The following FAM169A variants were observed in gnomAD, a reference collection of about 807,000 sequenced individuals.
FAM169A encodes soluble lamin-associated protein of 75 kDa.
A neutral mutation model predicts 75.7 loss-of-function variants in FAM169A; 24 were observed. That is an observed-to-expected ratio of 0.32 (90% confidence interval 0.23 to 0.45). FAM169A has a LOEUF of 0.45. FAM169A is among the 20% of genes least tolerant of loss of function. The probability of loss-of-function intolerance (pLI) is 1.00; values close to 1 mark genes in which losing one functional copy is unlikely to be tolerated. For synonymous variants in FAM169A, 271 were observed against 271.0 expected, an observed-to-expected ratio of 1.00 and a Z score of 0.00; for missense variants, 673 against 784.0, an observed-to-expected ratio of 0.86 and a Z score of 1.69.
chr5:74,798,330 A>G (rs1746385479), intron 10 of FAM169A, among the ~76,000 whole-genome samples: 1 of 152,244 alleles, frequency 6.6e-6, no homozygotes, highest in Non-Finnish European at 1.5e-5. Flanking sequence ...CGTTTATGAA[A>G]AGCAAACAAA....
At chr5:74,857,504 G>A (rs530551730) in intron 1 of FAM169A, among the ~76,000 whole-genome samples, 38 of 142,098 alleles carry the variant, frequency 2.7e-4, no homozygotes, top group African/African-American at 9.6e-4. Context: ...GGTAGAGGCT[G>A]CAGTGAGTCA....
chr5:74,835,245 G>C (rs543269907), intron 4 of FAM169A, among the ~76,000 whole-genome samples: 2 of 152,192 alleles, frequency 1.3e-5, no homozygotes, highest in East Asian at 3.9e-4. Flanking sequence ...CCTACACACA[G>C]GGCTACATGG....
chr5:74,835,311 C>G (rs539371330), intron 4 of FAM169A, among the ~76,000 whole-genome samples: 3 of 152,144 alleles, frequency 2.0e-5, no homozygotes, highest in African/African-American at 7.2e-5. Context: ...TGAGGTGTTC[C>G]TGATACACAG....
chr5:74,784,760 A>G lies in FAM169A; in HGVS notation c.1261-1626T>C, dbSNP rs372086624. 5.1e-4 allele frequency among the ~76,000 whole-genome samples: 77 copies of G among 150,972 alleles called. No homozygotes were observed. The East Asian group carries it at 0.014, about 28-fold the overall frequency. On this transcript the variant is annotated intron_variant, in intron 11 of 12. Transcript: ENST00000687041. ...GGTGAAACTCCGTCTCTACTAAAAA[A>G]TACAAAAAATTAGCCGGGCGTGGTG...
In FAM169A at chr5:74,795,898, A is replaced by G. The variant is rs1191162430; in HGVS notation, c.1260+132T>C. On this transcript the variant is annotated intron_variant, in intron 11 of 12. Coordinates refer to ENST00000687041, the MANE Select transcript of FAM169A (RefSeq NM_001376049.1). ...TCTAGTACCTGACCTTGCTTAATAT[A>G]TATGATTTTTAACACTAAACGCAAT... is the stretch of plus-strand genomic sequence containing the variant. 7 of 810,226 alleles carry G rather than the reference A, an allele frequency of 8.6e-6. No homozygotes were observed. In the South Asian group the frequency reaches 8.7e-5, roughly 10 times the overall value. 50.2% of individuals were successfully genotyped at this position (810,226 alleles called of 1,614,324 possible).
chr5:74,857,971 C>T (rs1389777828), intron 1 of FAM169A, among the ~76,000 whole-genome samples: 1 of 152,064 alleles, frequency 6.6e-6, no homozygotes, highest in Non-Finnish European at 1.5e-5. Flanking sequence ...TTCAGAATCA[C>T]TTCTATTTCC....
chr5:74,859,382 T>G (rs537715948), intron 1 of FAM169A, among the ~76,000 whole-genome samples: 1 of 139,744 alleles, frequency 7.2e-6, no homozygotes, highest in South Asian at 2.5e-4. Flanking sequence ...CTCCACCTCC[T>G]GGATTCAAGC....
chr5:74,806,331 T>C (rs952925544), intron 6 of FAM169A, among the ~76,000 whole-genome samples: 2 of 152,150 alleles, frequency 1.3e-5, no homozygotes, highest in Non-Finnish European at 2.9e-5. Flanking sequence ...AAAATAATGG[T>C]GCTGAAATAA....
chr5:74,823,820 A>T (rs1747880882), intron 5 of FAM169A, among the ~76,000 whole-genome samples: 1 of 152,184 alleles, frequency 6.6e-6, no homozygotes, highest in African/African-American at 2.4e-5. Flanking sequence ...TCAAGTCCTT[A>T]AAATATAATC....
intron 6 of FAM169A, among the ~76,000 whole-genome samples, chr5:74,810,659 A>C (rs1173231198): frequency 6.9e-6 from 1 of 144,422 alleles, no homozygotes. Flanking sequence ...CTGAGGCAGG[A>C]GAATGGTGTG....
intron 6 of FAM169A, among the ~76,000 whole-genome samples, chr5:74,812,014 A>T (rs908505037): frequency 1.3e-5 from 2 of 152,248 alleles, no homozygotes. Flanking sequence ...AAGGGGAGTG[A>T]GTCTAATTGG....
chr5:74,812,290 A>C (rs1265268951), intron 6 of FAM169A, among the ~76,000 whole-genome samples: 1 of 151,312 alleles, frequency 6.6e-6, no homozygotes, highest in Non-Finnish European at 1.5e-5. Flanking sequence ...CACCCAGCTA[A>C]TTTTTTTTGT....
In FAM169A at chr5:74,781,743, G is replaced by A; in HGVS notation, c.1730C>T (p.Ser577Phe). ...AGCAGTAGATGTTTCCTGGGGCTCA[G>A]ATACCCCCTCCTCACCCTGGTCTTC... ...SLEDQGEEGVSEPQETSTALP... is the reference protein window; with the variant it reads ...SLEDQGEEGVFEPQETSTALP... Residue 577 changes from serine (S) to phenylalanine (F), a missense_variant, in exon 13 of 13, where the codon TCT becomes TTT. Physicochemically the swap from Ser to Phe is radical, Grantham distance 155. Around this residue, in one of 3 missense-constraint regions of FAM169A, gnomAD observed 510 missense variants for 550.9 expected, o/e 0.93. Transcript: ENST00000687041. 1.2e-6 allele frequency: 2 copies of A among 1,614,108 alleles called. No individual in the cohort carries two copies. The highest frequency in any genetic ancestry group is 1.7e-6 in the Non-Finnish European group (2 of 1,180,000).
intron 1 of FAM169A, among the ~76,000 whole-genome samples, chr5:74,854,169 A>C (rs549581107): frequency 6.6e-6 from 1 of 152,224 alleles, no homozygotes; most frequent in South Asian, 2.1e-4. Flanking sequence ...CAAGATGGGC[A>C]GATCACCTGA....
In FAM169A at chr5:74,800,997, C is replaced by T. The variant is rs368190713; in HGVS notation, c.986G>A (p.Arg329Gln). ...CTTTGGCCGCTTTAGATTACCACTT[C>T]GAGTATGAGTGGAAACAGATGTTTT... ...HDKTSVSTHT[R>Q]SGNLKRPKIG... Residue 329 changes from arginine to glutamine, a missense_variant, in exon 10 of 13, where the codon CGA (arginine) becomes CAA (glutamine). Arg to Gln is a conservative substitution (Grantham distance 43, BLOSUM62 1). This residue lies in a region of FAM169A where 510 missense variants were observed against 550.9 expected (regional missense o/e 0.93). Transcript: ENST00000687041. The T allele has an allele frequency of 1.2e-5, 19 of 1,565,840 alleles. No individual in the cohort carries two copies. The highest frequency in any genetic ancestry group is 9.2e-5 in the Admixed American group (5 of 54,106).
intron 1 of FAM169A, among the ~76,000 whole-genome samples, chr5:74,864,353 C>A (rs1341101542): frequency 6.6e-6 from 1 of 152,200 alleles, no homozygotes; most frequent in Non-Finnish European, 1.5e-5. Context: ...GCCTCAGCCT[C>A]CCGAGTAGCT....
At chr5:74,804,099 G>C (rs1256204595) in intron 8 of FAM169A, among the ~76,000 whole-genome samples, 1 of 151,994 alleles carries the variant, frequency 6.6e-6, no homozygotes, top group East Asian at 1.9e-4. Context: ...GAGAACAGCA[G>C]TTAGAAGCAA....
In FAM169A at chr5:74,850,026, C is replaced by T. The variant is rs1404761787; in HGVS notation, c.-3-8347G>A. On this transcript the variant is annotated intron_variant, in intron 1 of 12. Coordinates refer to ENST00000687041, the MANE Select transcript of FAM169A (RefSeq NM_001376049.1). ...GGCTCTCCTTATTTCAAGCAGGAAGCAAAACCATCTTTTGAAGTTATAACC... is the reference window on the plus strand; with the variant it reads ...GGCTCTCCTTATTTCAAGCAGGAAGTAAAACCATCTTTTGAAGTTATAACC... 3.3e-5 allele frequency among the ~76,000 whole-genome samples: 5 copies of T among 152,158 alleles called. No homozygotes were observed. The East Asian group carries it at 5.8e-4, about 18-fold the overall frequency.
chr5:74,780,561 G>T lies in FAM169A; in HGVS notation c.*899C>A, dbSNP rs1250813782. The T allele has an allele frequency of 6.6e-6, 1 of 152,166 alleles. No individual in the cohort carries two copies. The highest frequency in any genetic ancestry group is 1.5e-5 in the Non-Finnish European group (1 of 68,024). The allele number at this position is 152,166 out of a possible 1,614,324, so 9.4% of individuals were successfully genotyped here. ...GAAATATAGATGTTAACTGGGTTGGGATAAAAGTAAAATCTCCAGCTTAAT... is the reference window on the plus strand; with the variant it reads ...GAAATATAGATGTTAACTGGGTTGGTATAAAAGTAAAATCTCCAGCTTAAT... On this transcript the variant is annotated 3_prime_UTR_variant, in exon 13 of 13. Transcript: ENST00000687041.
Sources: gnomAD v4.1 joint callset for allele counts (sites outside exome capture counted in the v4.1 genomes callset) on GRCh38, gnomAD v4.1.1 for gene constraint, gnomAD v4.1.1 regional missense constraint, MANE v1.5 for transcripts, NCBI Gene and HGNC (gene_info 2026-07-23, HGNC 2026-07-21) for gene names.